MACF1: variants seen among roughly 807,000 people sequenced by gnomAD.
MACF1 encodes microtubule actin crosslinking factor 1.
In MACF1, 193 loss-of-function variants were observed where a neutral mutation model predicts 854.8. The observed-to-expected ratio is 0.23, with a 90% CI of 0.20 to 0.25. MACF1 has a LOEUF of 0.25. Among genes scored for constraint, MACF1 ranks in the 10% least tolerant of loss-of-function variants. The pLI is 1.00. For missense variants in MACF1, 7,722 were observed against 8,929.1 expected (o/e 0.86, Z 5.45); for synonymous variants, 3,185 against 3,226.7 (o/e 0.99, Z 0.44).
rs1255373497 is a variant in MACF1 at position 39,294,955 on chromosome 1, T to A, written c.2155-91T>A. On this transcript the variant is annotated intron_variant, in intron 18 of 100. Transcript: ENST00000564288. The stretch of plus-strand genomic sequence containing the variant: ...TTGCCACCAATTCTATATTGTAGGT[T>A]CCTTTAAAATAGGGAACACAGCTTT... The A allele has an allele frequency of 3.4e-6, 3 of 884,898 alleles. No individual in the cohort carries two copies. In the African/African-American group the frequency reaches 4.9e-5, roughly 15 times the overall value. 54.8% of individuals were successfully genotyped at this position (884,898 alleles called of 1,614,324 possible).
At position 39,376,197 on chromosome 1, in the gene MACF1, C is replaced by T. The variant is rs138863393; in HGVS notation, c.13214-2264C>T. Among the ~76,000 whole-genome samples the T allele has an allele frequency of 6.5e-3, 987 of 152,276 alleles. 11 individuals carry two copies. Among genetic ancestry groups the T allele is most frequent in the African/African-American group, 0.023 (935 of 41,546 alleles). On this transcript the variant is annotated intron_variant, in intron 52 of 100. Transcript: ENST00000564288. ...TGGTGGGTTAAGGTGTAGAATTCAG[C>T]ATAATTGAACATGCATGTTTTATTA...
intron 58 of MACF1, among the ~76,000 whole-genome samples, chr1:39,401,153 A>G (rs1483549996): frequency 1.3e-5 from 2 of 152,216 alleles, no homozygotes; most frequent in East Asian, 1.9e-4. Context: ...ATGCATTTCT[A>G]TCAGAATCCT....
At chr1:39,343,928 C>A (rs1444423290) in intron 40 of MACF1, among the ~76,000 whole-genome samples, 1 of 152,004 alleles carries the variant, frequency 6.6e-6, no homozygotes, top group African/African-American at 2.4e-5. Flanking sequence ...CCAGCCTGAC[C>A]AACAAGAAGA....
intron 41 of MACF1, among the ~76,000 whole-genome samples, chr1:39,347,415 G>A (rs1226699909): frequency 6.6e-6 from 1 of 152,198 alleles, no homozygotes; most frequent in African/African-American, 2.4e-5. Context: ...TTTTATGTAT[G>A]TGTGAGAGAA....
At chr1:39,339,819 A>G (rs1182933055) in intron 38 of MACF1, among the ~76,000 whole-genome samples, 1 of 152,084 alleles carries the variant, frequency 6.6e-6, no homozygotes, top group Admixed American at 6.6e-5. Flanking sequence ...GGAGGTTAAG[A>G]GTTGTCATAG....
chr1:39,334,010 T>G lies in MACF1; in HGVS notation c.7422T>G (p.Ser2474Arg), dbSNP rs781206403. 6.2e-7 allele frequency: 1 copy of G among 1,614,066 alleles called. No individual in the cohort carries two copies. The highest frequency in any genetic ancestry group is 1.3e-5 in the African/African-American group (1 of 74,928). ...CAACAGGACTTATAGACCCTGATAG[T>G]AAAGCACCTTTAACAGTTGTGCAGT... The part of the protein sequence containing the change: ...METTGLIDPD[S>R]KAPLTVVQSI... Residue 2474 changes from serine (S) to arginine (R), a missense_variant, in exon 37 of 101, where the codon AGT becomes AGG. Around this residue, in one of 15 missense-constraint regions of MACF1, gnomAD observed 1,531 missense variants for 1,601.6 expected, o/e 0.96. Coordinates refer to ENST00000564288, the MANE Select transcript of MACF1 (RefSeq NM_001394062.1).
At chr1:39,306,028 T>C (rs1454813440) in intron 23 of MACF1, among the ~76,000 whole-genome samples, 1 of 152,236 alleles carries the variant, frequency 6.6e-6, no homozygotes, top group Non-Finnish European at 1.5e-5. Flanking sequence ...TTTGTTTACC[T>C]CTGTATCTTT....
intron 17 of MACF1, 89 bp from the exon 18 acceptor site, chr1:39,293,369 T>G: frequency 1.9e-5 from 22 of 1,167,802 alleles, no homozygotes; most frequent in Non-Finnish European, 2.3e-5. Context: ...ATTAATTTCC[T>G]GAGTTATTCT....
chr1:39,088,288 C>T (rs928938942), intron 2 of MACF1, among the ~76,000 whole-genome samples: 2 of 152,092 alleles, frequency 1.3e-5, no homozygotes, highest in Non-Finnish European at 2.9e-5. Flanking sequence ...GGGGTTTCAC[C>T]ATGTTGGTCA....
chr1:39,449,901 C>A (rs964829149), intron 84 of MACF1, among the ~76,000 whole-genome samples: 3 of 152,012 alleles, frequency 2.0e-5, no homozygotes, highest in Non-Finnish European at 2.9e-5. Context: ...CCTCTGTCAT[C>A]CAGGCTGGAG....
chr1:39,273,808 T>G (rs1272553343), intron 6 of MACF1, among the ~76,000 whole-genome samples: 1 of 152,116 alleles, frequency 6.6e-6, no homozygotes, highest in Admixed American at 6.5e-5. Flanking sequence ...GCCAGGATGG[T>G]CTCGATCTCC....
At chr1:39,271,333 GTTGTGGGTGGGATGTGCCACACACTT>G (rs1645315779) in intron 6 of MACF1, among the ~76,000 whole-genome samples, 2 of 152,120 alleles carry the variant, frequency 1.3e-5, no homozygotes, top group African/African-American at 4.8e-5. Context: ...GGAACGAGAG[GTTGTGGGTGGGATGTGCCACACACTT>G]TTAAATGACC....
At chr1:39,184,466 C>T (rs1218411160) in intron 2 of MACF1, among the ~76,000 whole-genome samples, 2 of 152,104 alleles carry the variant, frequency 1.3e-5, no homozygotes, top group Admixed American at 1.3e-4. Flanking sequence ...TACCCTAGTT[C>T]CATCTAGTAT....
At position 39,283,185 on chromosome 1, in the gene MACF1, A is replaced by G; in HGVS notation, c.696-4A>G. The G allele has an allele frequency of 6.3e-7, 1 of 1,597,772 alleles. No individual in the cohort carries two copies. Among genetic ancestry groups the G allele is most frequent in the Non-Finnish European group, 8.6e-7 (1 of 1,165,316 alleles). ...GTTTCATGTGCCTTGCTGGACTTTT[A>G]CAGACCCGATCTAGTAGACATGGAG... On this transcript the variant is annotated splice_polypyrimidine_tract_variant and splice_region_variant and intron_variant, in intron 7 of 100. Transcript: ENST00000564288. The surrounding 1 kb of genome is among the most constrained non-coding windows in gnomAD (Gnocchi z 4.5).
Position 39,387,296 on chromosome 1 carries a change from A to C in MACF1, c.14454A>C (p.Lys4818Asn), listed in dbSNP as rs746295827. The C allele has an allele frequency of 1.4e-5, 23 of 1,614,204 alleles. No individual in the cohort carries two copies. The South Asian group carries it at 2.5e-4, about 18-fold the overall frequency. Residue 4818 changes from lysine (K) to asparagine (N), a missense_variant, in exon 58 of 101, where the codon AAA (lysine) becomes AAC (asparagine). Around this residue, in one of 15 missense-constraint regions of MACF1, gnomAD observed 2,807 missense variants for 3,235.8 expected, o/e 0.87. Transcript: ENST00000564288. ...ATGATAAACAAAGCCAGCAAGCAAAAAACTGCCCAATTTCTGCAAAATTGG... is the reference window on the plus strand; with the variant it reads ...ATGATAAACAAAGCCAGCAAGCAAACAACTGCCCAATTTCTGCAAAATTGG... ...WLDDKQSQQA[K>N]NCPISAKLER... is the part of the protein sequence containing the mutation.
rs1365894637 is a variant in MACF1 at position 39,333,348 on chromosome 1, A to G, written c.6760A>G (p.Met2254Val). 1.2e-6 allele frequency: 2 copies of G among 1,614,136 alleles called. No individual in the cohort carries two copies. The highest frequency in any genetic ancestry group is 1.7e-5 in the Admixed American group (1 of 60,024). Residue 2254 changes from methionine (M) to valine (V), a missense_variant, in exon 37 of 101, where the codon ATG (methionine) becomes GTG (valine). Around this residue, in one of 15 missense-constraint regions of MACF1, gnomAD observed 1,531 missense variants for 1,601.6 expected, o/e 0.96. Transcript: ENST00000564288. Reference sequence around the variant, plus strand: ...AGCACAGAACATCGCAGGTGGTAGTATGATGATGTCAGAAAAGACCGATGA... The same window carrying G: ...AGCACAGAACATCGCAGGTGGTAGTGTGATGATGTCAGAAAAGACCGATGA... ...QEAQNIAGGS[M>V]MMSEKTDEED...
Position 39,442,281 on chromosome 1 carries a change from C to A in MACF1, c.18909C>A (p.His6303Gln). The change falls in exon 76 of 101, where the codon CAC becomes CAA. Residue 6303 changes from histidine (H) to glutamine (Q), a missense_variant. Around this residue, in one of 15 missense-constraint regions of MACF1, gnomAD observed 2,807 missense variants for 3,235.8 expected, o/e 0.87. Transcript: ENST00000564288. ...GAGAACCACTGACAGAACTCAAACA[C>A]CTCTGGGAGAACCTGGGTGAGAAAA... ...IIREPLTELKHLWENLGEKIA... is the reference protein window; with the variant it reads ...IIREPLTELKQLWENLGEKIA... 2 of 1,604,522 alleles carry A rather than the reference C, an allele frequency of 1.2e-6. No individual in the cohort carries two copies. The highest frequency in any genetic ancestry group is 2.2e-5 in the East Asian group (1 of 44,828).
intron 2 of MACF1, among the ~76,000 whole-genome samples, chr1:39,157,915 T>C (rs1451398017): frequency 2.0e-5 from 3 of 152,102 alleles, no homozygotes; most frequent in Non-Finnish European, 4.4e-5. Flanking sequence ...GCCATGTTGC[T>C]CAGGCTGGAC....
rs187173551 is a variant in MACF1, at chr1:39,188,288, A to G, written c.221-42894A>G. Among the ~76,000 whole-genome samples, 304 of 152,062 alleles carry G rather than the reference A, an allele frequency of 2.0e-3. 2 individuals carry two copies. Among genetic ancestry groups the G allele is most frequent in the African/African-American group, 7.1e-3 (294 of 41,514 alleles). On this transcript the variant is annotated intron_variant, in intron 2 of 93. Coordinates refer to the MACF1 transcript ENST00000361689. The stretch of plus-strand genomic sequence containing the variant: ...ACAAAAAATTACAAAAATGAGCTGG[A>G]TGTGGTGGCGCATGGAGGCTGAGGT...
Sources: gnomAD v4.1 joint callset for allele counts (sites outside exome capture counted in the v4.1 genomes callset) on GRCh38, gnomAD v4.1.1 for gene constraint, gnomAD v4.1.1 regional missense constraint, Gnocchi (gnomAD v3.1) non-coding constraint, MANE v1.5 for transcripts, NCBI Gene and HGNC (gene_info 2026-07-23, HGNC 2026-07-21) for gene names.